MYO15A: variants seen among roughly 807,000 people sequenced by gnomAD.
MYO15A encodes unconventional myosin-XV.
Under a neutral mutation model 394.6 loss-of-function variants are expected in MYO15A, and 308 were observed. The observed-to-expected ratio is 0.78, with a 90% CI of 0.71 to 0.86. MYO15A has a LOEUF of 0.86. Ranked by LOEUF, MYO15A falls within the 40% of genes least tolerant of loss-of-function variation. MYO15A has a pLI of 0.00. For missense variants in MYO15A, 4,606 were observed against 4,799.1 expected (o/e 0.96, Z 1.19); for synonymous variants, 1,957 against 2,003.8 (o/e 0.98, Z 0.62).
At position 18,121,826 on chromosome 17, in the gene MYO15A, C is replaced by A. The variant is rs117612144; in HGVS notation, c.3026C>A (p.Pro1009His). Residue 1009 changes from proline (P) to histidine (H), a missense_variant, in exon 2 of 66, where the codon CCT (proline) becomes CAT (histidine). Physicochemically the swap from Pro to His is moderately conservative, Grantham distance 77. Coordinates refer to ENST00000647165, the MANE Select transcript of MYO15A (RefSeq NM_016239.4). The surrounding 1 kb of genome is among the most constrained non-coding windows in gnomAD (Gnocchi z 5.3). ...GQLTKSAGPT[P>H]EKPEEEATLG... The stretch of plus-strand genomic sequence containing the variant: ...CTCACCAAATCAGCTGGCCCAACCC[C>A]TGAGAAGCCTGAAGAAGAGGCCACC... 3.3e-3 allele frequency: 5,375 copies of A among 1,612,882 alleles called. 69 individuals carry two copies. In the East Asian group the frequency reaches 0.046, roughly 14 times the overall value.
In MYO15A at chr17:18,142,245, A is replaced by C. The variant is rs779024869; in HGVS notation, c.5816A>C (p.Tyr1939Ser). Reference protein sequence around the residue: ...IILLQSRARGYLARQRYQQMR... With the variant: ...IILLQSRARGSLARQRYQQMR... ...CTGCTGCAAAGCCGGGCCCGTGGCT[A>C]CCTTGCCAGGTGAGGCACAGAAAAG... Residue 1939 changes from tyrosine (Y) to serine (S), a missense_variant, in exon 24 of 66, where the codon TAC becomes TCC. This residue lies in a region of MYO15A where 2,776 missense variants were observed against 3,109.3 expected (regional missense o/e 0.89). Coordinates refer to ENST00000647165, the MANE Select transcript of MYO15A (RefSeq NM_016239.4). The C allele has an allele frequency of 1.2e-6, 2 of 1,612,458 alleles. No homozygotes were observed. The highest frequency in any genetic ancestry group is 3.3e-5 in the Admixed American group (2 of 59,960).
At chr17:18,139,636 G>C (rs763738911) in intron 19 of MYO15A, 25 bp downstream of exon 19, 2 of 1,612,528 alleles carry the variant, frequency 1.2e-6, no homozygotes, top group Non-Finnish European at 1.7e-6. Flanking sequence ...CCACCGCTCT[G>C]GCCCTGCCCC....
chr17:18,152,948 T>C (rs1185797824), intron 42 of MYO15A, among the ~76,000 whole-genome samples: 2 of 152,222 alleles, frequency 1.3e-5, no homozygotes, highest in African/African-American at 4.8e-5. Context: ...GGATCCATCC[T>C]AAACCACCCT....
At position 18,155,189 on chromosome 17, in the gene MYO15A, C is replaced by T. The variant is rs771773539; in HGVS notation, c.8304C>T (p.Thr2768=). 9.3e-6 allele frequency: 15 copies of T among 1,613,842 alleles called. No individual in the cohort carries two copies. Among genetic ancestry groups the T allele is most frequent in the African/African-American group, 1.3e-5 (1 of 74,932 alleles). The change falls in exon 46 of 66, where the codon ACC becomes ACT. Residue 2768 remains threonine, a synonymous_variant. Coordinates refer to ENST00000647165, the MANE Select transcript of MYO15A (RefSeq NM_016239.4). ...KRAVVSTARD[T]WEVYFSRIFP... ...CCGTGGTCAGCACTGCACGAGACAC[C>T]TGGGAGGTCTACTTCTCCCGCATCT...
At chr17:18,156,504 C>T (rs573067493) in intron 48 of MYO15A, among the ~76,000 whole-genome samples, 168 bp downstream of exon 48, 1 of 152,368 alleles carries the variant, frequency 6.6e-6, no homozygotes, top group Non-Finnish European at 1.5e-5. Flanking sequence ...TTGCCTGCTC[C>T]TTCAGAAAAC....
At position 18,159,338 on chromosome 17, in the gene MYO15A, A is replaced by G. The variant is rs1293749806; in HGVS notation, c.9220A>G (p.Met3074Val). Residue 3074 changes from methionine (M) to valine (V), a missense_variant, in exon 54 of 66, where the codon ATG (methionine) becomes GTG (valine). Met to Val is a conservative substitution (Grantham distance 21). Transcript: ENST00000647165. ...CAGCCTCAGCAAGATGGCCACCGAC[A>G]TGTTCCTAGGTGTGGGAGTGGGACT... is the stretch of plus-strand genomic sequence containing the variant. ...DSSLSKMATDMFLAVMRFMGD... is the reference protein window; with the variant it reads ...DSSLSKMATDVFLAVMRFMGD... 2 of 1,614,140 alleles carry G rather than the reference A, an allele frequency of 1.2e-6. No individual in the cohort carries two copies. Among genetic ancestry groups the G allele is most frequent in the South Asian group, 1.1e-5 (1 of 91,074 alleles).
At position 18,119,213 on chromosome 17, in the gene MYO15A, C is replaced by T; in HGVS notation, c.413C>T (p.Thr138Ile). Reference protein sequence around the residue: ...SKASTAINWLTKKFLLKKAEE... With the variant: ...SKASTAINWLIKKFLLKKAEE... The stretch of plus-strand genomic sequence containing the variant: ...GCGTCCACGGCCATCAACTGGCTCA[C>T]AAAAAAGTTCCTCCTCAAGAAGGCC... The change falls in exon 2 of 66, where the codon ACA (threonine) becomes ATA (isoleucine). Residue 138 changes from threonine (T) to isoleucine (I), a missense_variant. Physicochemically the swap from Thr to Ile is moderately conservative, Grantham distance 89 (BLOSUM62 -1). Around this residue, in one of 2 missense-constraint regions of MYO15A, gnomAD observed 1,830 missense variants for 1,689.7 expected, o/e 1.08. Coordinates refer to ENST00000647165, the MANE Select transcript of MYO15A (RefSeq NM_016239.4). 6.2e-7 allele frequency: 1 copy of T among 1,612,520 alleles called. No homozygotes were observed. Among genetic ancestry groups the T allele is most frequent in the Non-Finnish European group, 8.5e-7 (1 of 1,179,894 alleles).
intron 19 of MYO15A, 28 bp downstream of exon 19, chr17:18,139,639 C>A: frequency 1.9e-6 from 3 of 1,612,024 alleles, no homozygotes; most frequent in Non-Finnish European, 2.5e-6. Flanking sequence ...CCGCTCTGGC[C>A]CTGCCCCCAG....
rs1379626560 is a variant in MYO15A, at chr17:18,157,229, T to C, written c.8787T>C (p.Phe2929=). The change falls in exon 50 of 66, where the codon TTT becomes TTC. Residue 2929 remains phenylalanine (F), a splice_region_variant and synonymous_variant. Coordinates refer to ENST00000647165, the MANE Select transcript of MYO15A (RefSeq NM_016239.4). ...AGCTGCGACGTAGAGGCCCCGACTTTGGTGTGTGCCCCAGAACCTGGAACC... is the reference window on the plus strand; with the variant it reads ...AGCTGCGACGTAGAGGCCCCGACTTCGGTGTGTGCCCCAGAACCTGGAACC... ...LEELRRRGPD[F]GWRFGTIHGR... is the part of the protein sequence containing the mutation. 1 of 1,603,122 alleles carries C rather than the reference T, an allele frequency of 6.2e-7. No individual in the cohort carries two copies. The highest frequency in any genetic ancestry group is 1.3e-5 in the African/African-American group (1 of 74,698).
chr17:18,156,923 G>A (rs763543387), intron 48 of MYO15A, 31 bp from the exon 49 acceptor site: 11 of 1,586,442 alleles, frequency 6.9e-6, no homozygotes, highest in Admixed American at 3.3e-5. Context: ...TGATAGGGCT[G>A]TTGCCCTCAC....
intron 12 of MYO15A, among the ~76,000 whole-genome samples, chr17:18,135,022 G>A (rs2046237672): frequency 6.6e-6 from 1 of 151,900 alleles, no homozygotes; most frequent in African/African-American, 2.4e-5. Context: ...TGGGACTACA[G>A]GTCTAGGTCC....
rs374927379 is a variant in MYO15A at position 18,141,689 on chromosome 17, G to A, written c.5568G>A (p.Pro1856=). 4.2e-4 allele frequency: 677 copies of A among 1,613,954 alleles called. No individual in the cohort carries two copies. The highest frequency in any genetic ancestry group is 5.2e-4 in the Non-Finnish European group (615 of 1,180,028). Residue 1856 remains proline (P), a synonymous_variant, in exon 23 of 66, where the codon CCG becomes CCA. Transcript: ENST00000647165. ...TAGTGGCCCTCAAGCATGACCTGCC[G>A]GCTAATGGGGACATGTGTGTGTCAG... is the stretch of plus-strand genomic sequence containing the variant. ...CCLVALKHDL[P]ANGDMCVSVL... is the part of the protein sequence containing the mutation.
chr17:18,114,024 C>T (rs974980474), intron 1 of MYO15A, among the ~76,000 whole-genome samples: 2 of 152,172 alleles, frequency 1.3e-5, no homozygotes, highest in African/African-American at 4.8e-5. Context: ...CAATGAGCAG[C>T]TCTGTTTGTG....
At position 18,119,934 on chromosome 17, in the gene MYO15A, C is replaced by T. The variant is rs2045877562; in HGVS notation, c.1134C>T (p.Val378=). The T allele has an allele frequency of 6.2e-6, 10 of 1,613,230 alleles. No homozygotes were observed. The highest frequency in any genetic ancestry group is 8.5e-6 in the Non-Finnish European group (10 of 1,179,598). The change falls in exon 2 of 66, where the codon GTC becomes GTT. Residue 378 remains valine, a synonymous_variant. Transcript: ENST00000647165. Reference sequence around the variant, plus strand: ...ATCCCTACGGAGTCCACTACACCGTCCCCTATGCCGAAGGCGTCTATGGCG... The same window carrying T: ...ATCCCTACGGAGTCCACTACACCGTTCCCTATGCCGAAGGCGTCTATGGCG... ...YFDPYGVHYT[V]PYAEGVYGGG...
chr17:18,109,334 C>T (rs1273916785), intron 1 of MYO15A: 2 of 154,800 alleles, frequency 1.3e-5, no homozygotes, highest in Non-Finnish European at 2.9e-5. Flanking sequence ...GCTCCAGCCA[C>T]TGGGCCACAA....
chr17:18,178,408 C>A (rs1040890702), intron 65 of MYO15A: 4 of 404,968 alleles, frequency 9.9e-6, no homozygotes, highest in African/African-American at 8.2e-5. Context: ...TAAAGCCTCA[C>A]TGAATCCTCA....
chr17:18,137,957 G>A, intron 16 of MYO15A, 158 bp from the exon 17 acceptor site: 2 of 1,068,878 alleles, frequency 1.9e-6, no homozygotes, highest in South Asian at 1.5e-5. Flanking sequence ...ACCCTGAGTT[G>A]GCTCATGCTG....
intron 51 of MYO15A, 118 bp downstream of exon 51, chr17:18,158,018 G>C: frequency 1.5e-6 from 2 of 1,353,002 alleles, no homozygotes; most frequent in Non-Finnish European, 1.9e-6. Context: ...CTTGGGGCGT[G>C]GCTGATCTTG....
chr17:18,121,455 G>T lies in MYO15A; in HGVS notation c.2655G>T (p.Pro885=), dbSNP rs1265873558. 2 of 1,548,762 alleles carry T rather than the reference G, an allele frequency of 1.3e-6. No homozygotes were observed. Among genetic ancestry groups the T allele is most frequent in the East Asian group, 2.4e-5 (1 of 40,978 alleles). Reference sequence around the variant, plus strand: ...AGCCACCCACTCGGGCTGTGAAGCCGCAAGTGCGCCTGCCCTTCCACCGAC... The same window carrying T: ...AGCCACCCACTCGGGCTGTGAAGCCTCAAGTGCGCCTGCCCTTCCACCGAC... ...LSEPPTRAVK[P]QVRLPFHRPP... The change falls in exon 2 of 66, where the codon CCG becomes CCT. Residue 885 remains proline (P), a synonymous_variant. Transcript: ENST00000647165. The surrounding 1 kb of genome is among the most constrained non-coding windows in gnomAD (Gnocchi z 5.3).
Sources: gnomAD v4.1 joint callset for allele counts (sites outside exome capture counted in the v4.1 genomes callset) on GRCh38, gnomAD v4.1.1 for gene constraint, gnomAD v4.1.1 regional missense constraint, Gnocchi (gnomAD v3.1) non-coding constraint, MANE v1.5 for transcripts, NCBI Gene and HGNC (gene_info 2026-07-23, HGNC 2026-07-21) for gene names.